Variants in RSRP1 observed in about 807,000 individuals in gnomAD.
The protein encoded by RSRP1 is arginine and serine rich protein 1, also known as arginine/serine-rich protein 1.
Under a neutral mutation model 33.0 loss-of-function variants are expected in RSRP1, and 37 were observed. The ratio of observed to expected loss-of-function variants is 1.12; its 90% CI spans 0.86 to 1.48. RSRP1 has a LOEUF of 1.48. RSRP1 is among the 40% of genes most tolerant of loss of function. The pLI, the probability that RSRP1 is intolerant of heterozygous loss-of-function variation, is 0.00. For missense variants in RSRP1, 402 were observed against 385.3 expected (o/e 1.04, Z -0.36); for synonymous variants, 167 against 158.7 (o/e 1.05, Z -0.40).
At chr1:25,315,501 C>T (rs113319491) in intron 1 of RSRP1, among the ~76,000 whole-genome samples, 4,407 of 114,100 alleles carry the variant, frequency 0.039, 717 homozygotes, top group African/African-American at 0.12. Context: ...TTCTTTCTTT[C>T]TTTTTTTTTT....
chr1:25,329,272 T>C, intron 1 of RSRP1: 1 of 505,824 alleles, frequency 2.0e-6, no homozygotes, highest in Non-Finnish European at 3.4e-6. Flanking sequence ...TGAGATGTAG[T>C]CTTACTCTGT....
chr1:25,274,451 C>T (rs1296898608), intron 1 of RSRP1, among the ~76,000 whole-genome samples: 2 of 132,246 alleles, frequency 1.5e-5, no homozygotes, highest in Admixed American at 7.4e-5. Context: ...ACCCCTGCAC[C>T]GTGCTACTAA....
At chr1:25,280,454 C>CTG (rs1641384279) in intron 1 of RSRP1, among the ~76,000 whole-genome samples, 1 of 128,408 alleles carries the variant, frequency 7.8e-6, no homozygotes, top group Non-Finnish European at 1.8e-5. Flanking sequence ...TACAGGCATG[C>CTG]GCCACCATGC....
In RSRP1 at chr1:25,321,369, C is replaced by T. The variant is rs1301550686; in HGVS notation, c.-67+16609G>A. ...TTTTTCAAAAAAAAAAAAAAAATGT[C>T]TACAGAATCGGCCAGGTGTGGTGGC... On this transcript the variant is annotated intron_variant, in intron 1 of 1. Transcript: ENST00000561867. Among the ~76,000 whole-genome samples, 2 of 122,896 alleles carry T rather than the reference C, an allele frequency of 1.6e-5. 1 individual carries two copies. Among genetic ancestry groups the T allele is most frequent in the Non-Finnish European group, 3.8e-5 (2 of 52,396 alleles). 80.6% of individuals were successfully genotyped at this position (122,896 alleles called of 152,430 possible).
intron 1 of RSRP1, among the ~76,000 whole-genome samples, chr1:25,263,284 T>C (rs1640216519): frequency 6.6e-6 from 1 of 151,912 alleles, no homozygotes; most frequent in African/African-American, 2.4e-5. Context: ...GAAGATCTCG[T>C]AGGACTTTAT....
chr1:25,254,030 C>T (rs1221057262), intron 1 of RSRP1: 2 of 152,190 alleles, frequency 1.3e-5, no homozygotes, highest in African/African-American at 4.8e-5. Context: ...TAGACATCTC[C>T]GTTGTTAGGG....
rs1328277621 is a variant in RSRP1 at position 25,277,532 on chromosome 1, C to A, written c.-66-30503G>T. ...GGAGCTAGACTGATTCAAATCTTGCCTCTGTATCTTAGAGACCTTGGGCAG... is the reference window on the plus strand; with the variant it reads ...GGAGCTAGACTGATTCAAATCTTGCATCTGTATCTTAGAGACCTTGGGCAG... On this transcript the variant is annotated intron_variant, in intron 1 of 1. Coordinates refer to the RSRP1 transcript ENST00000561867. Among the ~76,000 whole-genome samples the A allele has an allele frequency of 7.6e-5, 10 of 132,118 alleles. 1 individual carries two copies. Among genetic ancestry groups the A allele is most frequent in the Admixed American group, 5.1e-4 (7 of 13,650 alleles). The allele number at this position is 132,118 out of a possible 152,430, so 86.7% of individuals were successfully genotyped here.
chr1:25,243,814 G>C, intron 3 of RSRP1, 181 bp from the exon 4 acceptor site: 2 of 1,326,938 alleles, frequency 1.5e-6, no homozygotes, highest in African/African-American at 1.5e-5. Context: ...TTTAATATTA[G>C]GCTTAAGACA....
chr1:25,253,773 C>A, intron 1 of RSRP1: 1 of 152,586 alleles, frequency 6.6e-6, no homozygotes. Flanking sequence ...CTCCACAGGC[C>A]CCTAATCCAC....
chr1:25,242,786 C>T, intron 4 of RSRP1, 81 bp from the exon 5 acceptor site: 1 of 971,836 alleles, frequency 1.0e-6, no homozygotes, highest in Admixed American at 2.0e-5. Flanking sequence ...TAAATAATCC[C>T]ATGTATGAGC....
intron 1 of RSRP1, among the ~76,000 whole-genome samples, chr1:25,331,564 A>ATTTTT (rs71014354): frequency 2.7e-5 from 2 of 74,358 alleles, no homozygotes; most frequent in Non-Finnish European, 5.7e-5. Context: ...GAAAAATGTG[A>ATTTTT]TTTTTTTTTT....
rs1397970816 is a variant in RSRP1 at position 25,321,715 on chromosome 1, C to T, written c.-67+16263G>A. On this transcript the variant is annotated intron_variant, in intron 1 of 1. Coordinates refer to the RSRP1 transcript ENST00000561867. ...AAATAAAATAAAATAAAATAGGCTA[C>T]AGAATTAAGCTGGTCCAGGAATGAC... 1.6e-4 allele frequency among the ~76,000 whole-genome samples: 5 copies of T among 31,800 alleles called. 1 individual carries two copies. The highest frequency in any genetic ancestry group is 2.9e-4 in the African/African-American group (5 of 17,174). 20.9% of individuals were successfully genotyped at this position (31,800 alleles called of 152,430 possible). A position where few individuals can be genotyped will look rare whatever the true frequency, so the allele number is the denominator to read the frequency against.
At chr1:25,285,026 G>A (rs150537550) in intron 1 of RSRP1, among the ~76,000 whole-genome samples, 1,967 of 134,528 alleles carry the variant, frequency 0.015, 1 homozygote, top group Non-Finnish European at 0.02. Flanking sequence ...TGTTATTGTC[G>A]ATTATGATTT....
chr1:25,308,317 T>C (rs2518074), intron 1 of RSRP1, among the ~76,000 whole-genome samples: 99,728 of 107,486 alleles, frequency 0.93, 47,538 homozygotes, highest in Non-Finnish European at 1. Context: ...TGGAAACTTG[T>C]TAGAAATGCA....
At chr1:25,243,418 AC>A in intron 4 of RSRP1, 131 bp downstream of exon 4, 1 of 1,183,982 alleles carries the variant, frequency 8.4e-7, no homozygotes, top group Non-Finnish European at 1.2e-6. Context: ...TGGCTCAAAA[AC>A]AAATGATTTT....
rs576841186 is a variant in RSRP1, at chr1:25,331,266, T to G, written c.-67+6712A>C. 1.2e-3 allele frequency among the ~76,000 whole-genome samples: 154 copies of G among 131,264 alleles called. 21 individuals carry two copies. Among genetic ancestry groups the G allele is most frequent in the African/African-American group, 3.6e-3 (140 of 38,696 alleles). The allele number at this position is 131,264 out of a possible 152,430, so 86.1% of individuals were successfully genotyped here. A position where few individuals can be genotyped will look rare whatever the true frequency, so the allele number is the denominator to read the frequency against. ...CAGGCGTGAGCCACCGCACCCGGCC[T>G]CTTCCTCTTCTTATAAGGACACCAG... On this transcript the variant is annotated intron_variant, in intron 1 of 1. Transcript: ENST00000561867.
chr1:25,280,449 GCA>G (rs1641382803), intron 1 of RSRP1, among the ~76,000 whole-genome samples: 1 of 128,530 alleles, frequency 7.8e-6, no homozygotes, highest in Non-Finnish European at 1.8e-5. Flanking sequence ...GGGATTACAG[GCA>G]TGCGCCACCA....
chr1:25,322,032 T>C (rs1571760034), intron 1 of RSRP1: 2 of 829,374 alleles, frequency 2.4e-6, no homozygotes, highest in Non-Finnish European at 2.1e-6. Context: ...TGAGTATATA[T>C]GTTGACTTGC....
rs368592365 is a variant in RSRP1, at chr1:25,290,624, C to G, written c.-66-43595G>C. 1.7e-5 allele frequency: 23 copies of G among 1,370,044 alleles called. 2 individuals carry two copies. The African/African-American group carries it at 3.3e-4, about 19-fold the overall frequency. 84.9% of individuals were successfully genotyped at this position (1,370,044 alleles called of 1,614,324 possible). A position where few individuals can be genotyped will look rare whatever the true frequency, so the allele number is the denominator to read the frequency against. On this transcript the variant is annotated intron_variant, in intron 1 of 1. Transcript: ENST00000561867. Reference sequence around the variant, plus strand: ...TCCTTCCTTCTCAGTCGTCCTGGCTCTCCCTCTCTCCCCCAGTATTCGGCT... The same window carrying G: ...TCCTTCCTTCTCAGTCGTCCTGGCTGTCCCTCTCTCCCCCAGTATTCGGCT...
Sources: allele counts gnomAD v4.1 joint callset (sites outside exome capture counted in the v4.1 genomes callset), GRCh38; gene constraint gnomAD v4.1.1; transcripts MANE v1.5; gene names NCBI Gene and HGNC (gene_info 2026-07-23, HGNC 2026-07-21).